The following GABBR2 variants were observed in gnomAD, a reference collection of about 807,000 sequenced individuals.
The protein encoded by GABBR2 is gamma-aminobutyric acid type B receptor subunit 2.
GABBR2 carries 23 observed loss-of-function variants against 105.6 expected under a neutral mutation model. The observed-to-expected ratio is 0.22, with a 90% CI of 0.16 to 0.31. GABBR2 has a LOEUF of 0.31. Among genes scored for constraint, GABBR2 ranks in the 10% least tolerant of loss-of-function variants. The probability of loss-of-function intolerance (pLI) is 1.00; values close to 1 mark genes in which losing one functional copy is unlikely to be tolerated. For missense variants in GABBR2, 734 were observed against 1,245.5 expected (o/e 0.59, Z 6.18); for synonymous variants, 478 against 499.7 (o/e 0.96, Z 0.58).
chr9:98,315,896 A>G (rs1335607688), intron 13 of GABBR2, among the ~76,000 whole-genome samples: 1 of 152,228 alleles, frequency 6.6e-6, no homozygotes, highest in Non-Finnish European at 1.5e-5. Context: ...TCCAAGCACC[A>G]TGGGGGACTC....
intron 5 of GABBR2, among the ~76,000 whole-genome samples, chr9:98,480,208 G>C (rs59111185): frequency 6.6e-6 from 1 of 152,176 alleles, no homozygotes; most frequent in Non-Finnish European, 1.5e-5. Flanking sequence ...CTCCTGACAT[G>C]ATGGGGAGGA....
chr9:98,432,205 T>C (rs536689150), intron 7 of GABBR2, among the ~76,000 whole-genome samples: 6 of 152,078 alleles, frequency 3.9e-5, no homozygotes, highest in African/African-American at 1.4e-4. Context: ...TCAAGGAAGG[T>C]TTTTAATAAG....
chr9:98,535,678 A>G (rs1828163206), intron 3 of GABBR2, among the ~76,000 whole-genome samples: 1 of 152,178 alleles, frequency 6.6e-6, no homozygotes. Flanking sequence ...ACTAAGGGAC[A>G]GCTGTGTTAA....
intron 1 of GABBR2, among the ~76,000 whole-genome samples, chr9:98,703,108 G>A (rs1240629658): frequency 6.6e-6 from 1 of 152,210 alleles, no homozygotes; most frequent in Non-Finnish European, 1.5e-5. Context: ...AAACAGTTGG[G>A]AAAGAAACAC....
chr9:98,547,962 C>T lies in GABBR2; in HGVS notation c.460-5919G>A, dbSNP rs1828425953. 1.6e-5 allele frequency among the ~76,000 whole-genome samples: 2 copies of T among 121,270 alleles called. 1 individual carries two copies. The allele number at this position is 121,270 out of a possible 152,430, so 79.6% of individuals were successfully genotyped here. A position where few individuals can be genotyped will look rare whatever the true frequency, so the allele number is the denominator to read the frequency against. On this transcript the variant is annotated intron_variant, in intron 2 of 18. Coordinates refer to ENST00000259455, the MANE Select transcript of GABBR2 (RefSeq NM_005458.8). The stretch of plus-strand genomic sequence containing the variant: ...TCCTATGAATTTTTCATGATCATCT[C>T]CCTTTTCGCCCCATCCTCCAATTGC...
chr9:98,314,304 C>T (rs1416410621), intron 13 of GABBR2, among the ~76,000 whole-genome samples: 1 of 152,132 alleles, frequency 6.6e-6, no homozygotes, highest in African/African-American at 2.4e-5. Context: ...TGGCTTGGTC[C>T]CAAGGTCAAC....
intron 3 of GABBR2, among the ~76,000 whole-genome samples, chr9:98,519,642 G>A (rs1003852846): frequency 6.6e-6 from 1 of 151,922 alleles, no homozygotes; most frequent in Non-Finnish European, 1.5e-5. Context: ...GATGTAGGGA[G>A]CCTGGGATTC....
chr9:98,299,984 T>G (rs542832013), intron 16 of GABBR2, among the ~76,000 whole-genome samples: 1 of 151,856 alleles, frequency 6.6e-6, no homozygotes, highest in African/African-American at 2.4e-5. Context: ...TGTCTCACCC[T>G]CCTGAGTAGC....
chr9:98,355,975 A>G (rs1387540187), intron 13 of GABBR2, among the ~76,000 whole-genome samples: 1 of 152,252 alleles, frequency 6.6e-6, no homozygotes, highest in African/African-American at 2.4e-5. Flanking sequence ...TCGTCTTTTC[A>G]GCAAACAGTG....
intron 11 of GABBR2, among the ~76,000 whole-genome samples, chr9:98,373,851 CT>C (rs577915397): frequency 0.045 from 3,919 of 86,654 alleles, 20 homozygotes; most frequent in African/African-American, 0.087. Context: ...CAAAGCATTC[CT>C]TTTTTTTTTT....
At chr9:98,465,173 TTAAA>T (rs1021325613) in intron 6 of GABBR2, among the ~76,000 whole-genome samples, 3 of 135,688 alleles carry the variant, frequency 2.2e-5, no homozygotes, top group Admixed American at 1.5e-4. Flanking sequence ...AAAATGCTTA[TTAAA>T]TAAACAATCA....
At chr9:98,686,264 C>G (rs1358074544) in intron 1 of GABBR2, among the ~76,000 whole-genome samples, 1 of 152,160 alleles carries the variant, frequency 6.6e-6, no homozygotes. Context: ...TAATAATTTC[C>G]CATCCCTCCC....
chr9:98,608,239 A>C, intron 1 of GABBR2: 1 of 695,796 alleles, frequency 1.4e-6, no homozygotes, highest in Non-Finnish European at 2.4e-6. Flanking sequence ...ATCTATAATG[A>C]TGGATTTAAG....
intron 3 of GABBR2, among the ~76,000 whole-genome samples, chr9:98,523,664 T>G (rs560247168): frequency 6.6e-6 from 1 of 152,272 alleles, no homozygotes; most frequent in East Asian, 1.9e-4. Flanking sequence ...GGAACCTAGA[T>G]TAGCAGCAGT....
Position 98,488,571 on chromosome 9 carries a change from C to G in GABBR2, c.733-7574G>C, listed in dbSNP as rs918873144. On this transcript the variant is annotated intron_variant, in intron 4 of 18. Transcript: ENST00000259455. ...TTGCACTGGGGCCCAAATATTGCAT[C>G]AATATAAAAAATAAAGATGAGAGCT... Among the ~76,000 whole-genome samples the G allele has an allele frequency of 5.3e-5, 8 of 151,894 alleles. No homozygotes were observed. The East Asian group carries it at 9.6e-4, about 18-fold the overall frequency.
At chr9:98,564,608 G>C (rs1292747898) in intron 2 of GABBR2, among the ~76,000 whole-genome samples, 1 of 152,248 alleles carries the variant, frequency 6.6e-6, no homozygotes, top group African/African-American at 2.4e-5. Context: ...TTTATGCACA[G>C]TGTTTAGAAC....
intron 3 of GABBR2, among the ~76,000 whole-genome samples, chr9:98,534,319 G>T (rs537226290): frequency 1.1e-5 from 1 of 93,250 alleles, no homozygotes; most frequent in South Asian, 4.7e-4. Flanking sequence ...GTGACTAGGT[G>T]GGGAGTCTTG....
chr9:98,695,130 A>G (rs1426423764), intron 1 of GABBR2, among the ~76,000 whole-genome samples: 1 of 152,200 alleles, frequency 6.6e-6, no homozygotes, highest in Non-Finnish European at 1.5e-5. Context: ...GTTCTGTTTT[A>G]CCTTGTGTTT....
intron 9 of GABBR2, among the ~76,000 whole-genome samples, chr9:98,393,187 T>TCCATCCATCCATCCATCCATCC (rs1832223152): frequency 5.2e-5 from 2 of 38,504 alleles, no homozygotes; most frequent in African/African-American, 2.6e-4. Context: ...TCCATCCATC[T>TCCATCCATCCATCCATCCATCC]ATCCATCCAC....
Sources: gnomAD v4.1 joint callset for allele counts (sites outside exome capture counted in the v4.1 genomes callset) on GRCh38, gnomAD v4.1.1 for gene constraint, MANE v1.5 for transcripts, NCBI Gene and HGNC (gene_info 2026-07-23, HGNC 2026-07-21) for gene names.